Variants in ROBO1 observed in about 807,000 individuals in gnomAD.
ROBO1 encodes roundabout homolog 1.
A neutral mutation model predicts 195.9 loss-of-function variants in ROBO1; 149 were observed. The observed-to-expected ratio is 0.76, with a 90% CI of 0.67 to 0.87. ROBO1 has a LOEUF of 0.87. ROBO1 is among the 40% of genes least tolerant of loss of function. The pLI, the probability that ROBO1 is intolerant of heterozygous loss-of-function variation, is 0.00. For missense variants in ROBO1, 1,933 were observed against 2,068.3 expected (o/e 0.93, Z 1.27); for synonymous variants, 816 against 733.2 (o/e 1.11, Z -1.82).
chr3:79,274,049 C>G (rs1366520481), intron 2 of ROBO1, among the ~76,000 whole-genome samples: 1 of 151,744 alleles, frequency 6.6e-6, no homozygotes, highest in Non-Finnish European at 1.5e-5. Context: ...AGAGATAGAC[C>G]CCAACATAAT....
intron 3 of ROBO1, among the ~76,000 whole-genome samples, chr3:79,089,790 G>C (rs1299978352): frequency 1.3e-5 from 2 of 152,044 alleles, no homozygotes; most frequent in African/African-American, 4.8e-5. Flanking sequence ...GCATGTGTTT[G>C]CTTGATACAT....
intron 2 of ROBO1, among the ~76,000 whole-genome samples, chr3:79,507,587 T>C (rs1217598176): frequency 6.6e-6 from 1 of 152,216 alleles, no homozygotes; most frequent in Non-Finnish European, 1.5e-5. Flanking sequence ...GTATTGTTCA[T>C]CATAAAGAAT....
chr3:79,202,183 G>A (rs529788936), intron 2 of ROBO1, among the ~76,000 whole-genome samples: 1 of 151,964 alleles, frequency 6.6e-6, no homozygotes, highest in Admixed American at 6.6e-5. Context: ...ACCGATAACT[G>A]ATTTTATTTT....
intron 1 of ROBO1, among the ~76,000 whole-genome samples, chr3:79,614,504 T>G (rs1420462558): frequency 6.6e-6 from 1 of 152,142 alleles, no homozygotes; most frequent in Non-Finnish European, 1.5e-5. Flanking sequence ...GAAATAAGTG[T>G]GCTTAGCGAT....
At chr3:79,635,575 ATTTTAT>A (rs1383666166) in intron 1 of ROBO1, among the ~76,000 whole-genome samples, 1 of 152,148 alleles carries the variant, frequency 6.6e-6, no homozygotes, top group Admixed American at 6.6e-5. Flanking sequence ...TATTCTTTGA[ATTTTAT>A]TTTTGTTTCA....
chr3:79,517,543 T>A (rs1559958616), intron 2 of ROBO1, among the ~76,000 whole-genome samples: 1 of 152,192 alleles, frequency 6.6e-6, no homozygotes, highest in Non-Finnish European at 1.5e-5. Flanking sequence ...TTCTTTCTGG[T>A]CCACCTCCTT....
chr3:79,020,836 A>G (rs532408890), intron 3 of ROBO1, among the ~76,000 whole-genome samples: 1 of 152,356 alleles, frequency 6.6e-6, no homozygotes, highest in African/African-American at 2.4e-5. Context: ...AGTACATGTA[A>G]GAAGCTGCTT....
chr3:79,291,100 T>C (rs2032218204), intron 2 of ROBO1, among the ~76,000 whole-genome samples: 1 of 152,200 alleles, frequency 6.6e-6, no homozygotes, highest in African/African-American at 2.4e-5. Context: ...ATATATCGGT[T>C]TGTTATTCCA....
At chr3:79,331,700 C>T (rs1412513820) in intron 2 of ROBO1, among the ~76,000 whole-genome samples, 1 of 152,004 alleles carries the variant, frequency 6.6e-6, no homozygotes, top group Non-Finnish European at 1.5e-5. Flanking sequence ...TTCCAGATGC[C>T]TAGGAAATCC....
At chr3:79,517,557 A>G (rs985319516) in intron 2 of ROBO1, among the ~76,000 whole-genome samples, 3 of 152,082 alleles carry the variant, frequency 2.0e-5, no homozygotes, top group Non-Finnish European at 4.4e-5. Context: ...CCTCCTTCAT[A>G]TCTGTGACTT....
chr3:79,231,505 C>T (rs1277675832), intron 2 of ROBO1, among the ~76,000 whole-genome samples: 2 of 151,682 alleles, frequency 1.3e-5, no homozygotes, highest in South Asian at 2.1e-4. Flanking sequence ...TCAAAACCAC[C>T]GTGAGATACA....
At chr3:79,463,540 A>AT (rs1244811211) in intron 2 of ROBO1, among the ~76,000 whole-genome samples, 2 of 152,060 alleles carry the variant, frequency 1.3e-5, no homozygotes, top group South Asian at 2.1e-4. Context: ...TTAAAATTTG[A>AT]TTTTTTTCTG....
At chr3:79,029,830 A>G (rs1210533986) in intron 3 of ROBO1, among the ~76,000 whole-genome samples, 1 of 152,212 alleles carries the variant, frequency 6.6e-6, no homozygotes, top group Admixed American at 6.5e-5. Flanking sequence ...TCCTAGAACA[A>G]CATTGACTAT....
chr3:78,824,713 T>G (rs998950998), intron 4 of ROBO1, among the ~76,000 whole-genome samples: 3 of 152,188 alleles, frequency 2.0e-5, no homozygotes, highest in Non-Finnish European at 2.9e-5. Context: ...CTTTATCCAC[T>G]TAATAGGGAT....
chr3:79,425,710 T>TACAC (rs140963554), intron 2 of ROBO1, among the ~76,000 whole-genome samples: 14 of 146,716 alleles, frequency 9.5e-5, no homozygotes, highest in South Asian at 2.2e-4. Flanking sequence ...CACACACACA[T>TACAC]ACACACACAC....
At chr3:79,044,168 T>A (rs2078545471) in intron 3 of ROBO1, among the ~76,000 whole-genome samples, 1 of 151,918 alleles carries the variant, frequency 6.6e-6, no homozygotes, top group Non-Finnish European at 1.5e-5. Flanking sequence ...CATCATCTTT[T>A]AAGAAAGTAT....
chr3:79,107,264 AT>A (rs1259100810), intron 3 of ROBO1, among the ~76,000 whole-genome samples: 1 of 151,650 alleles, frequency 6.6e-6, no homozygotes, highest in Non-Finnish European at 1.5e-5. Flanking sequence ...TGTTCAGGTA[AT>A]TTTTAAACAC....
intron 2 of ROBO1, among the ~76,000 whole-genome samples, chr3:79,152,158 G>C (rs1341207116): frequency 6.6e-6 from 1 of 151,780 alleles, no homozygotes; most frequent in Non-Finnish European, 1.5e-5. Flanking sequence ...CAATAAATGT[G>C]TTTAATTATG....
intron 2 of ROBO1, among the ~76,000 whole-genome samples, chr3:79,221,253 T>C (rs2082132745): frequency 6.6e-6 from 1 of 152,098 alleles, no homozygotes; most frequent in African/African-American, 2.4e-5. Context: ...AACTACATTA[T>C]ATACATCATC....
Sources: gnomAD v4.1 joint callset for allele counts (sites outside exome capture counted in the v4.1 genomes callset) on GRCh38, gnomAD v4.1.1 for gene constraint, MANE v1.5 for transcripts, NCBI Gene and HGNC (gene_info 2026-07-23, HGNC 2026-07-21) for gene names.